COL23A1: variants seen among roughly 807,000 people sequenced by gnomAD.
The protein encoded by COL23A1 is collagen alpha-1(XXIII) chain.
A neutral mutation model predicts 99.3 loss-of-function variants in COL23A1; 97 were observed. The observed-to-expected ratio is 0.98, with a 90% CI of 0.83 to 1.16. COL23A1 has a LOEUF of 1.16. Among genes scored for constraint, COL23A1 ranks in the 50% most tolerant of loss-of-function variants. The pLI, the probability that COL23A1 is intolerant of heterozygous loss-of-function variation, is 0.00. For missense variants in COL23A1, 762 were observed against 757.4 expected, an observed-to-expected ratio of 1.01 and a Z score of -0.07; for synonymous variants, 320 against 308.2, an observed-to-expected ratio of 1.04 and a Z score of -0.40.
intron 1 of COL23A1, among the ~76,000 whole-genome samples, chr5:178,579,477 G>A (rs1040959725): frequency 2.0e-5 from 3 of 152,090 alleles, no homozygotes; most frequent in African/African-American, 2.4e-5. Context: ...GTTTTGAGAC[G>A]GAGTCTTGCT....
intron 2 of COL23A1, among the ~76,000 whole-genome samples, chr5:178,558,933 C>T (rs1762415550): frequency 6.6e-6 from 1 of 152,098 alleles, no homozygotes; most frequent in Non-Finnish European, 1.5e-5. Flanking sequence ...TGACTACAGG[C>T]ATGCGCCACC....
At chr5:178,495,491 A>G (rs1758149019) in intron 2 of COL23A1, among the ~76,000 whole-genome samples, 1 of 152,148 alleles carries the variant, frequency 6.6e-6, no homozygotes, top group African/African-American at 2.4e-5. Context: ...ATTTAAACTT[A>G]ACAGCCCGAA....
intron 5 of COL23A1, among the ~76,000 whole-genome samples, chr5:178,275,824 C>T (rs1401959610): frequency 6.6e-6 from 1 of 152,166 alleles, no homozygotes; most frequent in Admixed American, 6.5e-5. Flanking sequence ...TGATTTCAGC[C>T]CCCCGGTCCT....
At chr5:178,381,267 A>C (rs1313496576) in intron 2 of COL23A1, among the ~76,000 whole-genome samples, 1 of 152,226 alleles carries the variant, frequency 6.6e-6, no homozygotes, top group Non-Finnish European at 1.5e-5. Context: ...GGCCCTCCTC[A>C]GGATGTAGGG....
chr5:178,408,647 A>C (rs78834310), intron 2 of COL23A1, among the ~76,000 whole-genome samples: 2,734 of 152,230 alleles, frequency 0.018, 81 homozygotes, highest in African/African-American at 0.062. Context: ...ACCCCAAAAA[A>C]CAAAAAACTA....
At chr5:178,243,139 G>A (rs1204068822) in intron 25 of COL23A1, among the ~76,000 whole-genome samples, 5 of 151,552 alleles carry the variant, frequency 3.3e-5, no homozygotes, top group African/African-American at 1.2e-4. Context: ...GCAGTGAGCC[G>A]AGATCGCACC....
intron 2 of COL23A1, among the ~76,000 whole-genome samples, chr5:178,321,512 T>C (rs1385681000): frequency 4.4e-5 from 6 of 136,854 alleles, no homozygotes; most frequent in African/African-American, 1.4e-4. Flanking sequence ...TTTTTGGAGA[T>C]GCAGTCTCGC....
chr5:178,274,754 C>T (rs531043185), intron 5 of COL23A1, among the ~76,000 whole-genome samples: 1 of 152,338 alleles, frequency 6.6e-6, no homozygotes, highest in East Asian at 1.9e-4. Flanking sequence ...TTGCAGGGCC[C>T]AGGTTCAAAT....
chr5:178,317,909 A>G (rs1405014322), intron 2 of COL23A1, among the ~76,000 whole-genome samples: 1 of 152,196 alleles, frequency 6.6e-6, no homozygotes, highest in African/African-American at 2.4e-5. Flanking sequence ...CCCCTTATAT[A>G]AAACCACGAG....
chr5:178,251,972 G>T (rs1350579260), intron 17 of COL23A1, among the ~76,000 whole-genome samples: 4 of 146,858 alleles, frequency 2.7e-5, no homozygotes, highest in African/African-American at 7.6e-5. Flanking sequence ...GGAGTTCAGT[G>T]GCGCAATCTT....
chr5:178,549,706 G>A (rs763949161), intron 2 of COL23A1, among the ~76,000 whole-genome samples: 4 of 152,044 alleles, frequency 2.6e-5, no homozygotes, highest in South Asian at 2.1e-4. Flanking sequence ...TCCCAGCTAC[G>A]TGAGAAGCTG....
intron 2 of COL23A1, among the ~76,000 whole-genome samples, chr5:178,373,432 T>C (rs1019555510): frequency 1.3e-5 from 2 of 152,114 alleles, no homozygotes; most frequent in Non-Finnish European, 2.9e-5. Context: ...TTTTTATTTT[T>C]TGAGACAGAC....
chr5:178,558,174 G>A (rs1270111409), intron 2 of COL23A1, among the ~76,000 whole-genome samples: 2 of 151,810 alleles, frequency 1.3e-5, no homozygotes, highest in South Asian at 2.1e-4. Flanking sequence ...AGGAGTTCAG[G>A]ACCCCTGTTC....
intron 1 of COL23A1, among the ~76,000 whole-genome samples, chr5:178,574,991 C>T (rs1763277769): frequency 1.3e-5 from 2 of 152,204 alleles, no homozygotes; most frequent in African/African-American, 4.8e-5. Context: ...TAGCAATCTT[C>T]ATCCTGGTAT....
At chr5:178,498,247 TATATATATATAA>T (rs1324878302) in intron 2 of COL23A1, among the ~76,000 whole-genome samples, 6 of 60,814 alleles carry the variant, frequency 9.9e-5, no homozygotes, top group Non-Finnish European at 1.3e-4. Context: ...TATATATATA[TATATATATATAA>T]AAGAACTTAA....
At chr5:178,277,196 T>C (rs1277572132) in intron 5 of COL23A1, among the ~76,000 whole-genome samples, 1 of 84,950 alleles carries the variant, frequency 1.2e-5, no homozygotes, top group African/African-American at 4.9e-5. Flanking sequence ...TGAGACCTCA[T>C]CTCTAAAAAA....
At chr5:178,242,588 A>C (rs1764466704) in intron 25 of COL23A1, among the ~76,000 whole-genome samples, 194 bp from the exon 26 acceptor site, 1 of 152,190 alleles carries the variant, frequency 6.6e-6, no homozygotes, top group Admixed American at 6.5e-5. Context: ...GCATGCATTT[A>C]CGATGCCAGC....
chr5:178,418,828 C>T (rs1765448954), intron 2 of COL23A1, among the ~76,000 whole-genome samples: 1 of 152,226 alleles, frequency 6.6e-6, no homozygotes, highest in South Asian at 2.1e-4. Flanking sequence ...CACAGTAAGC[C>T]ATGTGGCCCT....
intron 2 of COL23A1, among the ~76,000 whole-genome samples, chr5:178,417,745 G>A (rs189373056): frequency 2.6e-5 from 4 of 152,282 alleles, no homozygotes; most frequent in African/African-American, 4.8e-5. Context: ...CCAAGGAGAC[G>A]GAGTTCATTA....
Sources: gnomAD v4.1 joint callset for allele counts (sites outside exome capture counted in the v4.1 genomes callset) on GRCh38, gnomAD v4.1.1 for gene constraint, MANE v1.5 for transcripts, NCBI Gene and HGNC (gene_info 2026-07-23, HGNC 2026-07-21) for gene names.